The following COL22A1 variants were observed in gnomAD, a reference collection of about 807,000 sequenced individuals.
COL22A1 encodes the protein collagen alpha-1(XXII) chain.
Under a neutral mutation model 248.9 loss-of-function variants are expected in COL22A1, and 221 were observed. That is an observed-to-expected ratio of 0.89 (90% CI 0.80 to 0.99). The LOEUF (loss-of-function observed/expected upper bound fraction) is 0.99. COL22A1 is among the 50% of genes least tolerant of loss of function. The pLI, the probability that COL22A1 is intolerant of heterozygous loss-of-function variation, is 0.00. For missense variants in COL22A1, 2,240 were observed against 2,179.0 expected (o/e 1.03, Z -0.56); for synonymous variants, 891 against 793.4 (o/e 1.12, Z -2.07).
At chr8:138,758,535 G>A (rs1405511313) in intron 18 of COL22A1, among the ~76,000 whole-genome samples, 2 of 152,216 alleles carry the variant, frequency 1.3e-5, no homozygotes, top group South Asian at 2.1e-4. Flanking sequence ...ATAGGCCTTG[G>A]TCAATAATCA....
chr8:138,651,618 C>T lies in COL22A1; in HGVS notation c.3334-1840G>A, dbSNP rs73445451. 2.7e-3 allele frequency among the ~76,000 whole-genome samples: 406 copies of T among 152,198 alleles called. 2 individuals are homozygous for T. The highest frequency in any genetic ancestry group is 9.4e-3 in the African/African-American group (392 of 41,552). On this transcript the variant is annotated intron_variant, in intron 45 of 64. Coordinates refer to ENST00000303045, the MANE Select transcript of COL22A1 (RefSeq NM_152888.3). ...AGCTGCTTTTGATAACTGTACTTTG[C>T]TTGAAAGAGTAGCAGAGCTGAAAGG...
At chr8:138,799,795 C>G (rs1000421637) in intron 11 of COL22A1, among the ~76,000 whole-genome samples, 8 of 152,198 alleles carry the variant, frequency 5.3e-5, no homozygotes, top group Non-Finnish European at 1.2e-4. Context: ...ATCAGGTCCC[C>G]TTTGCATGGG....
chr8:138,600,800 G>A (rs547158033), intron 60 of COL22A1, among the ~76,000 whole-genome samples: 9 of 152,234 alleles, frequency 5.9e-5, no homozygotes, highest in Non-Finnish European at 1.2e-4. Context: ...TTCACAGGAC[G>A]TTGCAATCTC....
In COL22A1 at chr8:138,760,232, GGCTC is replaced by G; in HGVS notation, c.1902+7_1902+10del. 6.4e-7 allele frequency: 1 copy of G among 1,566,936 alleles called. No homozygotes were observed. Among genetic ancestry groups the G allele is most frequent in the South Asian group, 1.2e-5 (1 of 84,560 alleles). On this transcript the variant is annotated splice_region_variant and intron_variant, in intron 18 of 64. Transcript: ENST00000303045. ...GGGCACAGAGCCCTTGACAGCCCCA[GGCTC>G]GCTCACCTTTTCTCCCTGGGGTCCT... is the stretch of plus-strand genomic sequence containing the variant.
chr8:138,701,564 G>T (rs924061482), intron 31 of COL22A1, among the ~76,000 whole-genome samples: 5 of 152,148 alleles, frequency 3.3e-5, no homozygotes, highest in Non-Finnish European at 7.3e-5. Context: ...TAAATGTTTA[G>T]AAATATATAA....
Position 138,794,679 on chromosome 8 carries a change from G to A in COL22A1, c.1596+2140C>T, listed in dbSNP as rs150126321. ...GAAAACATGGTATACTGAATTGCTA[G>A]ATCATACAGTAGCTCTATTTTTAAT... is the stretch of plus-strand genomic sequence containing the variant. On this transcript the variant is annotated intron_variant, in intron 12 of 64. Coordinates refer to ENST00000303045, the MANE Select transcript of COL22A1 (RefSeq NM_152888.3). 9.2e-4 allele frequency among the ~76,000 whole-genome samples: 140 copies of A among 152,242 alleles called. 1 individual carries two copies. In the South Asian group the frequency reaches 0.012, roughly 13 times the overall value.
At chr8:138,910,002 C>T (rs905898760) in intron 1 of COL22A1, among the ~76,000 whole-genome samples, 44 of 152,328 alleles carry the variant, frequency 2.9e-4, no homozygotes, top group African/African-American at 1.1e-3. Flanking sequence ...ACTGCAGCAG[C>T]AGGCAGGGAC....
intron 47 of COL22A1, among the ~76,000 whole-genome samples, chr8:138,644,320 C>T (rs1417203549): frequency 2.6e-5 from 4 of 152,036 alleles, no homozygotes; most frequent in Admixed American, 2.0e-4. Flanking sequence ...GTATTATTTA[C>T]CTAGGTTGCT....
At chr8:138,669,868 A>C (rs916391074) in intron 41 of COL22A1, among the ~76,000 whole-genome samples, 2 of 151,334 alleles carry the variant, frequency 1.3e-5, no homozygotes, top group Admixed American at 1.3e-4. Flanking sequence ...CTCCATCAAC[A>C]GAAGAAACTC....
chr8:138,732,081 T>G (rs1830752711), intron 23 of COL22A1, among the ~76,000 whole-genome samples: 1 of 152,164 alleles, frequency 6.6e-6, no homozygotes, highest in African/African-American at 2.4e-5. Flanking sequence ...TATCTTTTTC[T>G]GCAAATACTT....
intron 1 of COL22A1, among the ~76,000 whole-genome samples, chr8:138,900,680 C>T (rs1354394476): frequency 2.0e-5 from 3 of 152,090 alleles, no homozygotes; most frequent in Non-Finnish European, 4.4e-5. Context: ...CTAAAGCCAT[C>T]GCCCACTCTT....
chr8:138,833,011 A>G, intron 5 of COL22A1, 28 bp downstream of exon 5: 1 of 1,430,294 alleles, frequency 7.0e-7, no homozygotes, highest in Non-Finnish European at 9.9e-7. Context: ...CACCCTGGGC[A>G]GGTCTGGAAA....
intron 4 of COL22A1, 119 bp from the exon 5 acceptor site, chr8:138,833,269 G>T (rs558399408): frequency 1.0e-5 from 7 of 693,096 alleles, no homozygotes; most frequent in African/African-American, 7.1e-5. Flanking sequence ...AGAACAGATC[G>T]GGAGGGAGTT....
intron 30 of COL22A1, among the ~76,000 whole-genome samples, chr8:138,704,975 G>A (rs547683695): frequency 1.3e-5 from 2 of 152,250 alleles, no homozygotes; most frequent in East Asian, 1.9e-4. Context: ...TGAGAACTAC[G>A]TGATGCATGC....
At chr8:138,888,581 C>T (rs147187170) in intron 1 of COL22A1, among the ~76,000 whole-genome samples, 30 of 152,312 alleles carry the variant, frequency 2.0e-4, no homozygotes, top group African/African-American at 6.7e-4. Context: ...CTTACCAGGG[C>T]TCTAAAGGCC....
At position 138,588,968 on chromosome 8, in the gene COL22A1, C is replaced by T; in HGVS notation, c.*285G>A. ...TCTCCTGCCCCACGAATCAAGTTTT[C>T]CCAACTTTAAAGGAGTGGAAAAGAA... On this transcript the variant is annotated 3_prime_UTR_variant, in exon 65 of 65. Coordinates refer to ENST00000303045, the MANE Select transcript of COL22A1 (RefSeq NM_152888.3). 1 of 260,126 alleles carries T rather than the reference C, an allele frequency of 3.8e-6. No individual in the cohort carries two copies. The highest frequency in any genetic ancestry group is 7.1e-6 in the Non-Finnish European group (1 of 140,066). The allele number at this position is 260,126 out of a possible 1,614,324, so 16.1% of individuals were successfully genotyped here. A position where few individuals can be genotyped will look rare whatever the true frequency, so the allele number is the denominator to read the frequency against.
intron 7 of COL22A1, among the ~76,000 whole-genome samples, chr8:138,819,687 T>G (rs1436749734): frequency 1.3e-5 from 2 of 148,232 alleles, no homozygotes; most frequent in African/African-American, 2.5e-5. Context: ...ATGTCTATAA[T>G]GTATGTATAT....
chr8:138,623,857 A>C, intron 51 of COL22A1, 72 bp from the exon 52 acceptor site: 2 of 1,383,592 alleles, frequency 1.4e-6, no homozygotes, highest in Non-Finnish European at 2.0e-6. Context: ...AGGCAGTTTC[A>C]GCATGTCTTC....
At chr8:138,738,784 T>G (rs1017722408) in intron 22 of COL22A1, among the ~76,000 whole-genome samples, 3 of 152,230 alleles carry the variant, frequency 2.0e-5, no homozygotes, top group African/African-American at 4.8e-5. Context: ...ACTCTAAGTG[T>G]ATCTGTGAGA....
Sources: gnomAD v4.1 joint callset for allele counts (sites outside exome capture counted in the v4.1 genomes callset) on GRCh38, gnomAD v4.1.1 for gene constraint, MANE v1.5 for transcripts, NCBI Gene and HGNC (gene_info 2026-07-23, HGNC 2026-07-21) for gene names.